ATP10A: variants seen among roughly 807,000 people sequenced by gnomAD.
ATP10A encodes phospholipid-transporting ATPase VA.
A neutral mutation model predicts 147.8 loss-of-function variants in ATP10A; 111 were observed. The ratio of observed to expected loss-of-function variants is 0.75; its 90% CI spans 0.64 to 0.88. The LOEUF is 0.88. Ranked by LOEUF, ATP10A falls within the 40% of genes least tolerant of loss-of-function variation. ATP10A has a pLI of 0.00. For missense variants in ATP10A, 1,927 were observed against 1,959.0 expected (o/e 0.98, Z 0.31); for synonymous variants, 875 against 841.6 (o/e 1.04, Z -0.69).
At chr15:25,810,910 T>TTA (rs1487781608) in intron 1 of ATP10A, among the ~76,000 whole-genome samples, 1 of 151,998 alleles carries the variant, frequency 6.6e-6, no homozygotes, top group African/African-American at 2.4e-5. Context: ...AACCACAGCC[T>TTA]TACAAAGGCA....
chr15:25,854,412 T>C (rs1039983631), intron 1 of ATP10A, among the ~76,000 whole-genome samples: 11 of 152,196 alleles, frequency 7.2e-5, no homozygotes, highest in African/African-American at 2.4e-4. Flanking sequence ...GAATTCTAGT[T>C]CATCAATAGA....
chr15:25,849,499 C>T lies in ATP10A; in HGVS notation c.449+13149G>A, dbSNP rs1285677719. 2.6e-5 allele frequency among the ~76,000 whole-genome samples: 4 copies of T among 152,352 alleles called. No homozygotes were observed. The South Asian group carries it at 6.2e-4, about 24-fold the overall frequency. On this transcript the variant is annotated intron_variant, in intron 1 of 20. Coordinates refer to ENST00000555815, the MANE Select transcript of ATP10A (RefSeq NM_024490.4). ...ACAGACACCACCCTCCCTCCTTCTACGCCTTCTCCAAGTCCCAAGGGCGCA... is the reference window on the plus strand; with the variant it reads ...ACAGACACCACCCTCCCTCCTTCTATGCCTTCTCCAAGTCCCAAGGGCGCA...
intron 13 of ATP10A, among the ~76,000 whole-genome samples, chr15:25,699,186 A>G (rs1311753075): frequency 6.6e-6 from 1 of 152,240 alleles, no homozygotes; most frequent in Non-Finnish European, 1.5e-5. Context: ...AATTTTTAAG[A>G]CTTATAAAAA....
At chr15:25,836,341 CT>C (rs1165281186) in intron 1 of ATP10A, among the ~76,000 whole-genome samples, 2 of 152,200 alleles carry the variant, frequency 1.3e-5, no homozygotes, top group Admixed American at 6.5e-5. Flanking sequence ...AACCTTTCCT[CT>C]TTGCTAATTC....
chr15:25,777,060 T>G (rs1001628637), intron 2 of ATP10A, among the ~76,000 whole-genome samples: 3 of 150,454 alleles, frequency 2.0e-5, no homozygotes, highest in East Asian at 2.0e-4. Flanking sequence ...TTAGGTGGGG[T>G]GTGTGTGTGT....
intron 2 of ATP10A, among the ~76,000 whole-genome samples, chr15:25,778,315 A>T (rs983045366): frequency 2.6e-5 from 4 of 152,232 alleles, no homozygotes; most frequent in African/African-American, 9.6e-5. Flanking sequence ...TTACAAAAAA[A>T]CTAATTGAAA....
At chr15:25,804,405 G>A (rs1891085509) in intron 1 of ATP10A, among the ~76,000 whole-genome samples, 2 of 149,984 alleles carry the variant, frequency 1.3e-5, no homozygotes, top group Admixed American at 6.6e-5. Flanking sequence ...ATGCGGGTAG[G>A]GGTGTGTGTG....
intron 1 of ATP10A, among the ~76,000 whole-genome samples, chr15:25,783,945 T>C (rs932292515): frequency 6.6e-6 from 1 of 152,150 alleles, no homozygotes; most frequent in African/African-American, 2.4e-5. Context: ...GGCATGGCAG[T>C]GGCCCCCATC....
chr15:25,860,436 G>A (rs1286754619), intron 1 of ATP10A, among the ~76,000 whole-genome samples: 1 of 152,182 alleles, frequency 6.6e-6, no homozygotes, highest in African/African-American at 2.4e-5. Flanking sequence ...GGTGAAACCA[G>A]CCTCCTCCTC....
chr15:25,783,640 C>T (rs1041520257), intron 1 of ATP10A, among the ~76,000 whole-genome samples: 1 of 152,222 alleles, frequency 6.6e-6, no homozygotes, highest in African/African-American at 2.4e-5. Context: ...TGGGGCACTA[C>T]GTTGGGAACA....
At chr15:25,725,212 G>T (rs1902470465) in intron 5 of ATP10A, among the ~76,000 whole-genome samples, 1 of 152,190 alleles carries the variant, frequency 6.6e-6, no homozygotes, top group South Asian at 2.1e-4. Flanking sequence ...TCTAACTGGT[G>T]CCTGATGATC....
At chr15:25,739,301 C>A (rs1245467390) in intron 2 of ATP10A, among the ~76,000 whole-genome samples, 1 of 152,224 alleles carries the variant, frequency 6.6e-6, no homozygotes, top group Non-Finnish European at 1.5e-5. Flanking sequence ...CATGCTTCAG[C>A]TCAACATACC....
chr15:25,747,936 C>T (rs991238979), intron 2 of ATP10A, among the ~76,000 whole-genome samples: 8 of 151,982 alleles, frequency 5.3e-5, no homozygotes, highest in African/African-American at 1.9e-4. Context: ...CACAAAAGTA[C>T]AAGTCTATCT....
chr15:25,707,779 C>A (rs566864299), intron 12 of ATP10A, among the ~76,000 whole-genome samples, 197 bp downstream of exon 12: 1 of 152,174 alleles, frequency 6.6e-6, no homozygotes, highest in African/African-American at 2.4e-5. Flanking sequence ...GGGGGCAGCA[C>A]GTGCACCTCA....
intron 4 of ATP10A, 65 bp downstream of exon 4, chr15:25,727,095 T>A: frequency 8.7e-7 from 1 of 1,148,806 alleles, no homozygotes; most frequent in Non-Finnish European, 1.3e-6. Context: ...AAGAAAACAG[T>A]GAGGGGAAGT....
At chr15:25,699,280 G>A (rs1347459155) in intron 13 of ATP10A, among the ~76,000 whole-genome samples, 2 of 152,122 alleles carry the variant, frequency 1.3e-5, no homozygotes, top group Non-Finnish European at 2.9e-5. Context: ...GAACAGAACA[G>A]AAAGTCTAGA....
chr15:25,806,414 G>A (rs890916907), intron 1 of ATP10A, among the ~76,000 whole-genome samples: 3 of 151,992 alleles, frequency 2.0e-5, no homozygotes, highest in Non-Finnish European at 2.9e-5. Flanking sequence ...CCAGGTTCAC[G>A]CCATTCTCCT....
At chr15:25,693,692 T>C (rs904365093) in intron 14 of ATP10A, among the ~76,000 whole-genome samples, 2 of 152,168 alleles carry the variant, frequency 1.3e-5, no homozygotes, top group African/African-American at 4.8e-5. Flanking sequence ...GCCATGGCTG[T>C]TAGGTTCCCC....
At chr15:25,731,944 C>A (rs1886961469) in intron 3 of ATP10A, among the ~76,000 whole-genome samples, 2 of 151,932 alleles carry the variant, frequency 1.3e-5, no homozygotes, top group Non-Finnish European at 2.9e-5. Context: ...CAGCCTGGAC[C>A]TCCTGAGCTC....
Sources: allele counts gnomAD v4.1 joint callset (sites outside exome capture counted in the v4.1 genomes callset), GRCh38; gene constraint gnomAD v4.1.1; transcripts MANE v1.5; gene names NCBI Gene and HGNC (gene_info 2026-07-23, HGNC 2026-07-21).